Variants in POF1B observed in about 807,000 individuals in gnomAD.
POF1B encodes the protein protein POF1B.
A neutral mutation model predicts 55.3 loss-of-function variants in POF1B; 53 were observed. The observed-to-expected ratio is 0.96, with a 90% CI of 0.77 to 1.20. The LOEUF is 1.20. POF1B is among the 50% of genes most tolerant of loss of function. The probability of loss-of-function intolerance (pLI) is 0.00; values close to 1 mark genes in which losing one functional copy is unlikely to be tolerated. For missense variants in POF1B, 478 were observed against 420.5 expected, an observed-to-expected ratio of 1.14 and a Z score of -1.20; for synonymous variants, 188 against 148.3, an observed-to-expected ratio of 1.27 and a Z score of -1.95.
chrX:85,285,544 C>T (rs899047639), intron 15 of POF1B, among the ~76,000 whole-genome samples: 5 of 107,313 alleles, frequency 4.7e-5, no homozygotes, highest in Non-Finnish European at 7.7e-5. Context: ...AGCAAACTAC[C>T]GCAAGGACAG....
Position 85,319,730 on chromosome X carries a change from G to C in POF1B, c.855-3996C>G, listed in dbSNP as rs1603043378. On this transcript the variant is annotated intron_variant, in intron 7 of 16. Transcript: ENST00000262753. ...CCAGAAATAAAGCCTACTTGACTGT[G>C]GTGTGGATTAGCTTTTCGATGTGCT... 3.6e-5 allele frequency among the ~76,000 whole-genome samples: 4 copies of C among 111,279 alleles called. No homozygotes were observed. The Admixed American group carries it at 3.8e-4, about 11-fold the overall frequency.
intron 4 of POF1B, 117 bp downstream of exon 4, chrX:85,359,433 T>A: frequency 1.9e-6 from 1 of 522,854 alleles, no homozygotes; most frequent in Admixed American, 3.5e-5. Context: ...GCAATTTACT[T>A]TGTAACTGTA....
chrX:85,327,570 C>T (rs1374698686), intron 7 of POF1B, among the ~76,000 whole-genome samples: 1 of 111,324 alleles, frequency 9.0e-6, no homozygotes, highest in African/African-American at 3.3e-5. Context: ...CCTGTGTTGC[C>T]CAAAATAGAA....
intron 15 of POF1B, among the ~76,000 whole-genome samples, chrX:85,299,191 CTTTTTTTTTT>C (rs765012797): frequency 2.7e-5 from 2 of 74,870 alleles, no homozygotes; most frequent in African/African-American, 5.1e-5. Flanking sequence ...CTTTTTTTTT[CTTTTTTTTTT>C]TTTTTTTTGA....
Position 85,279,461 on chromosome X carries a change from G to A in POF1B, c.1765-35C>T, listed in dbSNP as rs759741335. On this transcript the variant is annotated intron_variant, in intron 16 of 16. Transcript: ENST00000262753. ...AAAAAAAAAGGTTATCTTACAACTG[G>A]TTCATAATTAAAGTCATTGTTACTA... The A allele has an allele frequency of 5.2e-6, 6 of 1,149,514 alleles. No individual in the cohort carries two copies. The Admixed American group carries it at 9.0e-5, about 17-fold the overall frequency. The allele number at this position is 1,149,514 out of a possible 1,213,427, so 94.7% of individuals were successfully genotyped here. A position where few individuals can be genotyped will look rare whatever the true frequency, so the allele number is the denominator to read the frequency against.
At chrX:85,341,651 A>G (rs1328183403) in intron 6 of POF1B, among the ~76,000 whole-genome samples, 1 of 110,750 alleles carries the variant, frequency 9.0e-6, no homozygotes, top group Non-Finnish European at 1.9e-5. Flanking sequence ...TGAAGAGGGC[A>G]ATAAACATGG....
At chrX:85,311,340 A>C (rs1004186223) in intron 9 of POF1B, among the ~76,000 whole-genome samples, 4 of 110,445 alleles carry the variant, frequency 3.6e-5, no homozygotes, top group Non-Finnish European at 7.6e-5. Flanking sequence ...ATTTCTCCTA[A>C]TGCTATCCCT....
intron 2 of POF1B, among the ~76,000 whole-genome samples, chrX:85,369,704 G>T (rs778522482): frequency 9.0e-6 from 1 of 111,641 alleles, no homozygotes; most frequent in Non-Finnish European, 1.9e-5. Context: ...CCACTGTGCT[G>T]CAATGAGCAT....
intron 4 of POF1B, among the ~76,000 whole-genome samples, chrX:85,354,941 G>T (rs751073177): frequency 9.0e-6 from 1 of 111,226 alleles, no homozygotes; most frequent in East Asian, 2.9e-4. Context: ...TTTCTTCACG[G>T]AATTGGAAAA....
intron 7 of POF1B, among the ~76,000 whole-genome samples, chrX:85,317,882 C>T (rs1250243676): frequency 9.0e-5 from 10 of 111,352 alleles, no homozygotes; most frequent in East Asian, 2.8e-4. Context: ...TGGAATACTA[C>T]GTACCCATAA....
intron 9 of POF1B, among the ~76,000 whole-genome samples, chrX:85,311,684 T>C (rs1932701298): frequency 8.9e-6 from 1 of 112,267 alleles, no homozygotes; most frequent in Non-Finnish European, 1.9e-5. Context: ...GAATGATTTA[T>C]AATCTTTGGG....
In POF1B at chrX:85,314,225, C is replaced by T. The variant is rs145956517; in HGVS notation, c.957+207G>A. On this transcript the variant is annotated intron_variant, in intron 9 of 16. Transcript: ENST00000262753. ...CATTCTACAGAAGGGAATAATATTT[C>T]GAGAATGTTTTCCCAAATGCTAGTG... Among the ~76,000 whole-genome samples, 763 of 111,041 alleles carry T rather than the reference C, an allele frequency of 6.9e-3. 6 individuals are homozygous for T. The highest frequency in any genetic ancestry group is 0.011 in the Non-Finnish European group (576 of 52,824).
chrX:85,321,980 G>T (rs1009580799), intron 7 of POF1B, among the ~76,000 whole-genome samples: 10 of 110,634 alleles, frequency 9.0e-5, no homozygotes, highest in Non-Finnish European at 1.7e-4. Context: ...CATGTTCATG[G>T]GTAGGAAGAA....
At chrX:85,354,262 AT>A (rs944835027) in intron 4 of POF1B, among the ~76,000 whole-genome samples, 1 of 110,974 alleles carries the variant, frequency 9.0e-6, no homozygotes, top group African/African-American at 3.3e-5. Context: ...TGTGTTTTAA[AT>A]AATATTGATA....
intron 8 of POF1B, among the ~76,000 whole-genome samples, chrX:85,315,230 G>C (rs2147912056): frequency 9.0e-6 from 1 of 111,659 alleles, no homozygotes; most frequent in East Asian, 2.8e-4. Context: ...ATATGCATAT[G>C]TAATAGATTA....
At chrX:85,284,646 A>G (rs1342656697) in intron 15 of POF1B, among the ~76,000 whole-genome samples, 2 of 74,930 alleles carry the variant, frequency 2.7e-5, no homozygotes, top group Non-Finnish European at 4.9e-5. Flanking sequence ...ACCTTATACA[A>G]AAATTAATTC....
chrX:85,351,928 A>T (rs1437093287), intron 4 of POF1B, among the ~76,000 whole-genome samples: 1 of 110,871 alleles, frequency 9.0e-6, no homozygotes, highest in Admixed American at 9.6e-5. Flanking sequence ...TCTGCAACTC[A>T]ATTTGAGTGC....
At chrX:85,363,272 T>C (rs1933658534) in intron 3 of POF1B, among the ~76,000 whole-genome samples, 1 of 111,512 alleles carries the variant, frequency 9.0e-6, no homozygotes, top group South Asian at 3.7e-4. Context: ...TTTGGTTATT[T>C]CTTGTCTTCT....
intron 2 of POF1B, among the ~76,000 whole-genome samples, chrX:85,370,826 A>C (rs1643574832): frequency 8.9e-6 from 1 of 112,127 alleles, no homozygotes; most frequent in Non-Finnish European, 1.9e-5. Context: ...TCTTAGTTTT[A>C]AAAGCACTCC....
Sources: allele counts gnomAD v4.1 joint callset (sites outside exome capture counted in the v4.1 genomes callset), GRCh38; gene constraint gnomAD v4.1.1; transcripts MANE v1.5; gene names NCBI Gene and HGNC (gene_info 2026-07-23, HGNC 2026-07-21).